FGD6: variants seen among roughly 807,000 people sequenced by gnomAD.
FGD6 encodes the protein FYVE, RhoGEF and PH domain-containing protein 6.
Under a neutral mutation model 149.4 loss-of-function variants are expected in FGD6, and 90 were observed. That is an observed-to-expected ratio of 0.60 (90% CI 0.51 to 0.72). The LOEUF is 0.72. FGD6 is among the 30% of genes least tolerant of loss of function. The pLI, the probability that FGD6 is intolerant of heterozygous loss-of-function variation, is 0.00. For missense variants in FGD6, 1,437 were observed against 1,684.8 expected, an observed-to-expected ratio of 0.85 and a Z score of 2.57; for synonymous variants, 527 against 584.0, an observed-to-expected ratio of 0.90 and a Z score of 1.41.
intron 2 of FGD6, among the ~76,000 whole-genome samples, chr12:95,197,419 C>T (rs1284774324): frequency 6.6e-6 from 1 of 152,090 alleles, no homozygotes; most frequent in Non-Finnish European, 1.5e-5. Context: ...GGCAACAGAG[C>T]AAGACTCTGT....
chr12:95,214,989 T>C (rs1277242567), intron 1 of FGD6, among the ~76,000 whole-genome samples: 14 of 150,154 alleles, frequency 9.3e-5, no homozygotes, highest in Non-Finnish European at 1.9e-4. Context: ...GCCTCCCGAA[T>C]AGCTGGGACT....
chr12:95,117,545 G>C (rs12578168), intron 8 of FGD6, among the ~76,000 whole-genome samples: 2 of 151,794 alleles, frequency 1.3e-5, no homozygotes, highest in African/African-American at 4.8e-5. Context: ...CCACACCTCA[G>C]CCTCCCAAGT....
intron 5 of FGD6, among the ~76,000 whole-genome samples, chr12:95,142,023 G>A (rs1234732308): frequency 6.6e-6 from 1 of 152,134 alleles, no homozygotes; most frequent in Non-Finnish European, 1.5e-5. Context: ...AGAGAGGCAC[G>A]TGTTGTGGGT....
intron 5 of FGD6, among the ~76,000 whole-genome samples, chr12:95,151,415 C>G (rs545375709): frequency 3.3e-5 from 5 of 152,118 alleles, no homozygotes; most frequent in Admixed American, 2.6e-4. Context: ...GGACTACAGG[C>G]ATGCCACCAC....
chr12:95,148,572 A>G, intron 5 of FGD6, among the ~76,000 whole-genome samples: 1 of 135,428 alleles, frequency 7.4e-6, no homozygotes, highest in Non-Finnish European at 1.5e-5. Flanking sequence ...TATATTATAT[A>G]ATACATAGCA....
intron 8 of FGD6, among the ~76,000 whole-genome samples, chr12:95,133,726 T>C: frequency 6.6e-6 from 1 of 152,208 alleles, no homozygotes; most frequent in East Asian, 1.9e-4. Flanking sequence ...GTACATCCAA[T>C]ACAGTTCAGC....
intron 5 of FGD6, among the ~76,000 whole-genome samples, chr12:95,150,405 T>C (rs540731622): frequency 0.019 from 692 of 35,828 alleles, 5 homozygotes; most frequent in African/African-American, 0.15. Flanking sequence ...CTAGCTCCCA[T>C]CAGAGAGCAA....
chr12:95,091,534 C>T (rs1172745399), intron 17 of FGD6, among the ~76,000 whole-genome samples, 173 bp downstream of exon 17: 1 of 152,104 alleles, frequency 6.6e-6, no homozygotes, highest in Non-Finnish European at 1.5e-5. Flanking sequence ...AAATTTCAGC[C>T]CAACCTCTCC....
chr12:95,127,746 T>C (rs1879389112), intron 8 of FGD6, among the ~76,000 whole-genome samples: 1 of 152,214 alleles, frequency 6.6e-6, no homozygotes. Flanking sequence ...CGAGAAAAAG[T>C]AATATAATAT....
intron 2 of FGD6, among the ~76,000 whole-genome samples, chr12:95,180,973 A>G (rs1414484326): frequency 7.1e-6 from 1 of 140,394 alleles, no homozygotes; most frequent in Non-Finnish European, 1.5e-5. Context: ...GTCTGTGTAA[A>G]CATTTTCAGG....
At position 95,141,549 on chromosome 12, in the gene FGD6, T is replaced by G. The variant is rs1466502310; in HGVS notation, c.2686-10A>C. The G allele has an allele frequency of 3.1e-6, 5 of 1,613,640 alleles. No individual in the cohort carries two copies. Among genetic ancestry groups the G allele is most frequent in the Non-Finnish European group, 3.4e-6 (4 of 1,179,898 alleles). ...CTGCATCCCGGAAATCCTATTACAG[T>G]CCAGAGCAGGAAAAACAATACACAC... On this transcript the variant is annotated splice_polypyrimidine_tract_variant and intron_variant, in intron 5 of 20. Transcript: ENST00000343958.
intron 8 of FGD6, among the ~76,000 whole-genome samples, chr12:95,128,760 G>C (rs1415309093): frequency 6.6e-6 from 1 of 152,222 alleles, no homozygotes; most frequent in Non-Finnish European, 1.5e-5. Context: ...TTGTCTGCCA[G>C]TGTATATGGG....
At chr12:95,126,084 C>A (rs935367086) in intron 8 of FGD6, 5 of 1,159,272 alleles carry the variant, frequency 4.3e-6, no homozygotes, top group Admixed American at 1.7e-5. Flanking sequence ...AGATTCTGAT[C>A]ATTTTAAAGT....
intron 1 of FGD6, among the ~76,000 whole-genome samples, chr12:95,214,898 TG>T (rs2056746411): frequency 6.7e-6 from 1 of 149,870 alleles, no homozygotes; most frequent in Non-Finnish European, 1.5e-5. Context: ...AGTCTTGCTC[TG>T]TCACCCAGGC....
chr12:95,102,256 C>T (rs1878464645), intron 14 of FGD6, among the ~76,000 whole-genome samples: 1 of 151,724 alleles, frequency 6.6e-6, no homozygotes, highest in Non-Finnish European at 1.5e-5. Flanking sequence ...CCAGCCTGGG[C>T]AACATGGTGA....
At position 95,077,811 on chromosome 12, in the gene FGD6, A is replaced by G. The variant is rs1229571104; in HGVS notation, c.*3709T>C. On this transcript the variant is annotated 3_prime_UTR_variant, in exon 21 of 21. Transcript: ENST00000343958. The stretch of plus-strand genomic sequence containing the variant: ...GTCTCAAATGGTATCTTTCTCTTAC[A>G]GAAGAAAATAAACAGATTTGAATGG... 1 of 152,226 alleles carries G rather than the reference A, an allele frequency of 6.6e-6. No individual in the cohort carries two copies. Among genetic ancestry groups the G allele is most frequent in the Non-Finnish European group, 1.5e-5 (1 of 68,042 alleles). 9.4% of individuals were successfully genotyped at this position (152,226 alleles called of 1,614,324 possible).
chr12:95,142,059 G>A (rs565560388), intron 5 of FGD6, among the ~76,000 whole-genome samples: 18 of 152,120 alleles, frequency 1.2e-4, no homozygotes, highest in Admixed American at 2.0e-4. Context: ...AGGATGGAGC[G>A]CAGTGGCCCA....
rs749545136 is a variant in FGD6 at position 95,209,991 on chromosome 12, T to C, written c.1293A>G (p.Val431=). Residue 431 remains valine, a synonymous_variant, in exon 2 of 21, where the codon GTA becomes GTG. Coordinates refer to ENST00000343958, the MANE Select transcript of FGD6 (RefSeq NM_018351.4). ...DSNLSSDSTT[V]DGSSMSLAVD... The stretch of plus-strand genomic sequence containing the variant: ...CAGCAAGCGACATACTAGAACCATC[T>C]ACAGTTGTGCTGTCAGAACTCAAAT... 4.3e-6 allele frequency: 7 copies of C among 1,613,326 alleles called. No individual in the cohort carries two copies. The highest frequency in any genetic ancestry group is 1.1e-5 in the South Asian group (1 of 90,850).
chr12:95,089,869 T>C (rs1295897772), intron 17 of FGD6, among the ~76,000 whole-genome samples, 173 bp from the exon 18 acceptor site: 1 of 152,166 alleles, frequency 6.6e-6, no homozygotes, highest in Non-Finnish European at 1.5e-5. Flanking sequence ...GCAGGAAGAC[T>C]TTCTACTATC....
Sources: allele counts gnomAD v4.1 joint callset (sites outside exome capture counted in the v4.1 genomes callset), GRCh38; gene constraint gnomAD v4.1.1; transcripts MANE v1.5; gene names NCBI Gene and HGNC (gene_info 2026-07-23, HGNC 2026-07-21).